CCNB2: variants seen among roughly 807,000 people sequenced by gnomAD.
CCNB2 encodes cyclin B2, also known as G2/mitotic-specific cyclin-B2.
Under a neutral mutation model 51.1 loss-of-function variants are expected in CCNB2, and 39 were observed. The ratio of observed to expected loss-of-function variants is 0.76; its 90% CI spans 0.59 to 1.00. The LOEUF (loss-of-function observed/expected upper bound fraction) is 1.00. CCNB2 is among the 50% of genes least tolerant of loss of function. The pLI, the probability that CCNB2 is intolerant of heterozygous loss-of-function variation, is 0.00. For synonymous variants in CCNB2, 174 were observed against 165.5 expected, an observed-to-expected ratio of 1.05 and a Z score of -0.40; for missense variants, 472 against 470.3, an observed-to-expected ratio of 1.00 and a Z score of -0.03.
At chr15:59,117,444 T>C (rs2079283891) in intron 7 of CCNB2, 76 bp downstream of exon 7, 2 of 1,414,640 alleles carry the variant, frequency 1.4e-6, no homozygotes, top group Admixed American at 1.8e-5. Flanking sequence ...TTAGCATTTT[T>C]ACAACACTAT....
intron 5 of CCNB2, 26 bp from the exon 6 acceptor site, chr15:59,116,664 C>T: frequency 1.3e-6 from 2 of 1,530,220 alleles, no homozygotes; most frequent in South Asian, 1.1e-5. Flanking sequence ...TTAGGTGTGA[C>T]TTTTGTTACA....
intron 3 of CCNB2, 124 bp from the exon 4 acceptor site, chr15:59,114,320 A>G: frequency 9.2e-6 from 6 of 655,424 alleles, no homozygotes; most frequent in Non-Finnish European, 1.5e-5. Flanking sequence ...ACCTCTTGGT[A>G]TGAAATTTGT....
At position 59,117,058 on chromosome 15, in the gene CCNB2, C is replaced by A. The variant is rs746892887; in HGVS notation, c.834+132C>A. The A allele has an allele frequency of 5.1e-6, 5 of 983,218 alleles. No individual in the cohort carries two copies. In the African/African-American group the frequency reaches 6.5e-5, roughly 13 times the overall value. 60.9% of individuals were successfully genotyped at this position (983,218 alleles called of 1,614,324 possible). ...AGTCTTAATGCTTTCCTCATCAGTT[C>A]TTAAGAGAAAAGGCCTCATGATCTA... is the stretch of plus-strand genomic sequence containing the variant. On this transcript the variant is annotated intron_variant, in intron 6 of 8. Transcript: ENST00000288207.
intron 7 of CCNB2, 89 bp from the exon 8 acceptor site, chr15:59,123,428 T>A (rs1381704309): frequency 4.1e-6 from 3 of 729,384 alleles, no homozygotes; most frequent in Admixed American, 4.6e-5. Context: ...ATAAGTAATG[T>A]CATCATGTAC....
chr15:59,105,306 G>T lies in CCNB2; in HGVS notation c.24+14G>T, dbSNP rs766621735. The T allele has an allele frequency of 1.3e-5, 20 of 1,557,828 alleles. No individual in the cohort carries two copies. The highest frequency in any genetic ancestry group is 1.6e-5 in the Non-Finnish European group (18 of 1,155,180). ...CGACGCCCGACGGTGAGTGTGCCCG[G>T]GGACCGCTCTCAGAGGCGAGTCCGT... On this transcript the variant is annotated intron_variant, in intron 1 of 8. Transcript: ENST00000288207.
Position 59,122,271 on chromosome 15 carries a change from CAG to C in CCNB2, c.976-1243_976-1242del, listed in dbSNP as rs1251702592. ...TTTTTTTTTTTTTTTTTTTTTGAGA[CAG>C]AGTCTTTCTCTGTCACCCAGACTGG... On this transcript the variant is annotated intron_variant, in intron 7 of 8. Transcript: ENST00000288207. Among the ~76,000 whole-genome samples the C allele has an allele frequency of 1.8e-4, 8 of 44,444 alleles. 1 individual carries two copies. Among genetic ancestry groups the C allele is most frequent in the Admixed American group, 8.2e-4 (2 of 2,448 alleles). 29.2% of individuals were successfully genotyped at this position (44,444 alleles called of 152,430 possible).
intron 3 of CCNB2, among the ~76,000 whole-genome samples, chr15:59,112,958 C>T (rs755354634): frequency 4.6e-5 from 7 of 151,516 alleles, no homozygotes; most frequent in East Asian, 2.0e-4. Flanking sequence ...GGCGTGAACC[C>T]GGGAGGCGGA....
At chr15:59,121,382 C>T (rs564287089) in intron 7 of CCNB2, 1 of 152,274 alleles carries the variant, frequency 6.6e-6, no homozygotes, top group East Asian at 1.9e-4. Flanking sequence ...TTTTAGTCAC[C>T]TTACTCTTAA....
In CCNB2 at chr15:59,118,255, T is replaced by A. The variant is rs1001428349; in HGVS notation, c.975+887T>A. On this transcript the variant is annotated intron_variant, in intron 7 of 8. Coordinates refer to ENST00000288207, the MANE Select transcript of CCNB2 (RefSeq NM_004701.4). ...GCAAAAAGGATAATGTGGAAACAAA[T>A]GGAGCTGGATGGCTGCAATGCAAGT... Among the ~76,000 whole-genome samples the A allele has an allele frequency of 4.6e-5, 7 of 152,296 alleles. No individual in the cohort carries two copies. In the South Asian group the frequency reaches 1.0e-3, roughly 23 times the overall value.
In CCNB2 at chr15:59,109,878, T is replaced by G. The variant is rs562574991; in HGVS notation, c.267+2208T>G. Reference sequence around the variant, plus strand: ...GTGGGCGCCTGTAGTCCCAGCTACTTGGGAGGCTGAGGCAGGAGAATGGCG... The same window carrying G: ...GTGGGCGCCTGTAGTCCCAGCTACTGGGGAGGCTGAGGCAGGAGAATGGCG... On this transcript the variant is annotated intron_variant, in intron 3 of 8. Transcript: ENST00000288207. Among the ~76,000 whole-genome samples, 5 of 152,078 alleles carry G rather than the reference T, an allele frequency of 3.3e-5. No individual in the cohort carries two copies. In the East Asian group the frequency reaches 9.7e-4, roughly 29 times the overall value.
chr15:59,109,979 T>C (rs1464563183), intron 3 of CCNB2, among the ~76,000 whole-genome samples: 1 of 152,096 alleles, frequency 6.6e-6, no homozygotes, highest in Non-Finnish European at 1.5e-5. Context: ...AGCGAGACTC[T>C]GTCTCAAAAA....
At chr15:59,108,469 C>T (rs926773671) in intron 3 of CCNB2, among the ~76,000 whole-genome samples, 3 of 152,132 alleles carry the variant, frequency 2.0e-5, no homozygotes, top group Non-Finnish European at 4.4e-5. Context: ...CTTCCCTAAG[C>T]GCCTACCCAT....
intron 1 of CCNB2, among the ~76,000 whole-genome samples, chr15:59,107,019 T>G (rs1317838560): frequency 2.0e-5 from 3 of 152,190 alleles, no homozygotes; most frequent in African/African-American, 7.2e-5. Context: ...TGAGAAATAA[T>G]CATTAAATAC....
chr15:59,107,711 C>T (rs201973541), intron 3 of CCNB2, 41 bp downstream of exon 3: 4 of 1,514,202 alleles, frequency 2.6e-6, no homozygotes, highest in East Asian at 2.2e-5. Flanking sequence ...AATGAGGTAG[C>T]CTGTTTTTAG....
At chr15:59,120,646 A>T (rs2079298383) in intron 7 of CCNB2, among the ~76,000 whole-genome samples, 1 of 152,204 alleles carries the variant, frequency 6.6e-6, no homozygotes, top group African/African-American at 2.4e-5. Flanking sequence ...AGCTAATTAA[A>T]GTAGAATGAT....
chr15:59,108,287 G>A (rs193005781), intron 3 of CCNB2, among the ~76,000 whole-genome samples: 237 of 152,350 alleles, frequency 1.6e-3, no homozygotes, highest in Non-Finnish European at 1.9e-3. Flanking sequence ...AGGCTGGGAA[G>A]AAGGTTGCAG....
intron 3 of CCNB2, among the ~76,000 whole-genome samples, chr15:59,114,135 A>C (rs2079268680): frequency 6.6e-6 from 1 of 152,224 alleles, no homozygotes; most frequent in African/African-American, 2.4e-5. Context: ...GCTTGAGTGA[A>C]GCAGTCAAGG....
intron 5 of CCNB2, chr15:59,115,736 T>G (rs1356721409): frequency 3.3e-5 from 5 of 152,176 alleles, no homozygotes; most frequent in Non-Finnish European, 7.4e-5. Flanking sequence ...TCTTTATTTT[T>G]TATTTTTTTG....
chr15:59,115,367 G>A (rs1413984066), intron 5 of CCNB2, among the ~76,000 whole-genome samples: 1 of 152,074 alleles, frequency 6.6e-6, no homozygotes, highest in African/African-American at 2.4e-5. Flanking sequence ...TTTTTTAAAG[G>A]AGCAGGGGTT....
Sources: allele counts gnomAD v4.1 joint callset (sites outside exome capture counted in the v4.1 genomes callset), GRCh38; gene constraint gnomAD v4.1.1; transcripts MANE v1.5; gene names NCBI Gene and HGNC (gene_info 2026-07-23, HGNC 2026-07-21).